PTCH1: variants seen among roughly 807,000 people sequenced by gnomAD.
The protein encoded by PTCH1 is patched 1, also known as protein patched homolog 1.
PTCH1 carries 14 observed loss-of-function variants against 144.6 expected under a neutral mutation model. The ratio of observed to expected loss-of-function variants is 0.10; its 90% CI spans 0.06 to 0.15. PTCH1 has a LOEUF of 0.15. Ranked by LOEUF, PTCH1 falls within the 10% of genes least tolerant of loss-of-function variation. The pLI is 1.00. For missense variants in PTCH1, 1,623 were observed against 1,948.3 expected, an observed-to-expected ratio of 0.83 and a Z score of 3.14; for synonymous variants, 833 against 793.6, an observed-to-expected ratio of 1.05 and a Z score of -0.83.
chr9:95,447,211 G>A lies in PTCH1; in HGVS notation c.4045C>T (p.Pro1349Ser), dbSNP rs2136578214. The change falls in exon 23 of 24, where the codon CCT becomes TCT. Residue 1349 changes from proline (P) to serine (S), a missense_variant. By Grantham distance (74) the Pro-to-Ser change is moderately conservative. This residue lies in a region of PTCH1 where 291 missense variants were observed against 287.4 expected (regional missense o/e 1.01). Transcript: ENST00000331920. ...WGPRGARSHN[P>S]RNPASTAMGS... ...ATGGCAGTGGACGCTGGGTTCCGAG[G>A]GTTGTGAGAACGGGCCCCGCGAGGG... 6.2e-7 allele frequency: 1 copy of A among 1,612,996 alleles called. No individual in the cohort carries two copies. Among genetic ancestry groups the A allele is most frequent in the Non-Finnish European group, 8.5e-7 (1 of 1,179,910 alleles).
At chr9:95,510,015 AAC>A (rs1554709995), upstream of PTCH1, among the ~76,000 whole-genome samples, 48 of 151,984 alleles carry the variant, frequency 3.2e-4, 1 homozygote, top group African/African-American at 7.2e-4. Context: ...AAAAAAAAAA[AAC>A]ACAGTCTTGG....
At position 95,447,372 on chromosome 9, in the gene PTCH1, G is replaced by A; in HGVS notation, c.3884C>T (p.Pro1295Leu). ...QPHLDSGSLP[P>L]GRQGQQPRRD... The stretch of plus-strand genomic sequence containing the variant: ...GCGGGGCTGCTGGCCTTGCCGTCCG[G>A]GAGGCAGGGACCCTGAGTCCAGGTG... Residue 1295 changes from proline to leucine, a missense_variant, in exon 23 of 24, where the codon CCC (proline) becomes CTC (leucine). Physicochemically the swap from Pro to Leu is moderately conservative, Grantham distance 98. Transcript: ENST00000331920. The A allele has an allele frequency of 6.2e-7, 1 of 1,613,168 alleles. No homozygotes were observed. The highest frequency in any genetic ancestry group is 8.5e-7 in the Non-Finnish European group (1 of 1,179,764).
In PTCH1 at chr9:95,459,628, G is replaced by A. The variant is rs142131559; in HGVS notation, c.2859C>T (p.Ala953=). The change falls in exon 17 of 24, where the codon GCC becomes GCT. Residue 953 remains alanine (A), a synonymous_variant. Transcript: ENST00000331920. The part of the protein sequence containing the change: ...PHRPEWVHDK[A]DYMPETRLRI... ...TCAGCCTTGTTTCAGGCATGTAGTC[G>A]GCTTTGTCGTGGACCCATTCTGGTC... 2.9e-5 allele frequency: 46 copies of A among 1,613,932 alleles called. No homozygotes were observed. In the African/African-American group the frequency reaches 3.3e-4, roughly 12 times the overall value.
chr9:95,475,597 C>T (rs1840959752), intron 12 of PTCH1, among the ~76,000 whole-genome samples: 1 of 152,006 alleles, frequency 6.6e-6, no homozygotes, highest in Non-Finnish European at 1.5e-5. Context: ...GGTGCTTTGG[C>T]AAAAGCGAAA....
intron 2 of PTCH1, 138 bp from the exon 3 acceptor site, chr9:95,486,012 A>G: frequency 4.4e-6 from 4 of 917,390 alleles, no homozygotes; most frequent in Non-Finnish European, 6.9e-6. Flanking sequence ...GAGCAGTAAC[A>G]TTCACTTTAT....
rs1838675912 is a variant in PTCH1, at chr9:95,453,729, T to C, written c.3307-109A>G. 41 of 1,463,080 alleles carry C rather than the reference T, an allele frequency of 2.8e-5. No individual in the cohort carries two copies. The South Asian group carries it at 4.8e-4, about 17-fold the overall frequency. The allele number at this position is 1,463,080 out of a possible 1,614,324, so 90.6% of individuals were successfully genotyped here. On this transcript the variant is annotated intron_variant, in intron 19 of 23. Transcript: ENST00000331920. ...TCAGAACTGCTCACATCTTACTGTT[T>C]TAGTTGCTAGAATGTGTAATCAGAG...
intron 2 of PTCH1, among the ~76,000 whole-genome samples, chr9:95,499,556 G>A (rs1843009754): frequency 6.6e-6 from 1 of 151,674 alleles, no homozygotes; most frequent in Admixed American, 6.6e-5. Flanking sequence ...AGCCAGCGAG[G>A]GGCACAGGAA....
intron 15 of PTCH1, among the ~76,000 whole-genome samples, chr9:95,462,452 C>G (rs2136694212): frequency 6.6e-6 from 1 of 152,312 alleles, no homozygotes. Context: ...AACAGCAGCT[C>G]AGCTGCTTCT....
At position 95,506,459 on chromosome 9, in the gene PTCH1, C is replaced by T. The variant is rs766365142; in HGVS notation, c.342G>A (p.Val114=). The change falls in exon 2 of 24, where the codon GTG becomes GTA. Residue 114 remains valine, a synonymous_variant. Transcript: ENST00000331920. The part of the protein sequence containing the change: ...VGLLIFGAFA[V]GLKAANLETN... ...TCTCGAGGTTCGCTGCTTTTAATCC[C>T]ACCGCGAAGGCCCCAAATATGAGGA... is the stretch of plus-strand genomic sequence containing the variant. 1.7e-5 allele frequency: 28 copies of T among 1,613,114 alleles called. No individual in the cohort carries two copies. In the South Asian group the frequency reaches 2.0e-4, roughly 11 times the overall value.
rs2136573135 is a variant in PTCH1, at chr9:95,447,041, G to A, written c.4215C>T (p.Asp1405=). The change falls in exon 23 of 24, where the codon GAC becomes GAT. Residue 1405 remains aspartate (D), a synonymous_variant. Coordinates refer to ENST00000331920, the MANE Select transcript of PTCH1 (RefSeq NM_000264.5). ...CGTGGGGGTCCTCAAACAGGCCGTG[G>A]TCAGTCTCAGGGTAGCCTGGGCAGA... The part of the protein sequence containing the change: ...GGLCPGYPET[D]HGLFEDPHVP... 6 of 1,614,188 alleles carry A rather than the reference G, an allele frequency of 3.7e-6. No individual in the cohort carries two copies. In the South Asian group the frequency reaches 5.5e-5, roughly 15 times the overall value.
chr9:95,503,630 T>C (rs1843303765), intron 2 of PTCH1, among the ~76,000 whole-genome samples: 1 of 152,190 alleles, frequency 6.6e-6, no homozygotes, highest in African/African-American at 2.4e-5. Context: ...GTAGGCAAAG[T>C]AGACCTGGAG....
In PTCH1 at chr9:95,447,067, G is replaced by A. The variant is rs1837978959; in HGVS notation, c.4189C>T (p.Leu1397Phe). 6.2e-7 allele frequency: 1 copy of A among 1,614,076 alleles called. No homozygotes were observed. The highest frequency in any genetic ancestry group is 8.5e-7 in the Non-Finnish European group (1 of 1,180,014). ...PGPGRNPRGG[L>F]CPGYPETDHG... Reference sequence around the variant, plus strand: ...TCAGTCTCAGGGTAGCCTGGGCAGAGTCCCCCTCGGGGGTTCCGCCCAGGC... The same window carrying A: ...TCAGTCTCAGGGTAGCCTGGGCAGAATCCCCCTCGGGGGTTCCGCCCAGGC... The change falls in exon 23 of 24, where the codon CTC becomes TTC. Residue 1397 changes from leucine (L) to phenylalanine (F), a missense_variant. This residue lies in a region of PTCH1 where 291 missense variants were observed against 287.4 expected (regional missense o/e 1.01). Transcript: ENST00000331920.
At chr9:95,511,998 A>G (rs975365065), upstream of PTCH1, among the ~76,000 whole-genome samples, 5 of 152,174 alleles carry the variant, frequency 3.3e-5, no homozygotes, top group Non-Finnish European at 5.9e-5. Context: ...TTTCGTCTCA[A>G]TCTTTTACTA....
At chr9:95,454,770 A>G (rs943083233) in intron 19 of PTCH1, among the ~76,000 whole-genome samples, 2 of 152,260 alleles carry the variant, frequency 1.3e-5, no homozygotes, top group Non-Finnish European at 2.9e-5. Flanking sequence ...GCCTTATTCT[A>G]CCATTTTACA....
At chr9:95,501,985 A>G (rs546099557) in intron 2 of PTCH1, among the ~76,000 whole-genome samples, 1 of 152,306 alleles carries the variant, frequency 6.6e-6, no homozygotes, top group South Asian at 2.1e-4. Context: ...AGGGATGGCT[A>G]GTAGGAAGAG....
intron 16 of PTCH1, chr9:95,460,027 G>A (rs1435265682): frequency 3.7e-6 from 2 of 545,814 alleles, no homozygotes; most frequent in East Asian, 3.3e-5. Context: ...GGAATTGGCT[G>A]AACCAATTAA....
intron 1 of PTCH1, among the ~76,000 whole-genome samples, chr9:95,515,845 T>A (rs2118952780): frequency 6.6e-6 from 1 of 152,200 alleles, no homozygotes; most frequent in Admixed American, 6.5e-5. Context: ...GTGGGTAAGG[T>A]GCGTCTCTTC....
At chr9:95,512,902 C>T (rs1329617893), upstream of PTCH1, among the ~76,000 whole-genome samples, 2 of 152,218 alleles carry the variant, frequency 1.3e-5, no homozygotes, top group African/African-American at 4.8e-5. Context: ...CTGAGTGTTC[C>T]ATTTCCCCTT....
chr9:95,463,260 G>A (rs28676757), intron 15 of PTCH1, among the ~76,000 whole-genome samples: 5,254 of 152,042 alleles, frequency 0.035, 292 homozygotes, highest in African/African-American at 0.12. Context: ...GCCCCCTTCT[G>A]TCTCTCTAAG....
Sources: gnomAD v4.1 joint callset for allele counts (sites outside exome capture counted in the v4.1 genomes callset) on GRCh38, gnomAD v4.1.1 for gene constraint, gnomAD v4.1.1 regional missense constraint, MANE v1.5 for transcripts, NCBI Gene and HGNC (gene_info 2026-07-23, HGNC 2026-07-21) for gene names.